The following MRPS30 variants were observed in gnomAD, a reference collection of about 807,000 sequenced individuals.
MRPS30 encodes large ribosomal subunit protein mL65.
MRPS30 carries 42 observed loss-of-function variants against 43.8 expected under a neutral mutation model. The observed-to-expected ratio is 0.96, with a 90% CI of 0.75 to 1.24. The LOEUF (loss-of-function observed/expected upper bound fraction) is 1.24, where lower values mean the gene tolerates loss of function less well. Ranked by LOEUF, MRPS30 falls within the 50% of genes most tolerant of loss-of-function variation. The pLI is 0.00. For missense variants in MRPS30, 638 were observed against 570.0 expected (o/e 1.12, Z -1.22); for synonymous variants, 273 against 228.2 (o/e 1.20, Z -1.77).
chr5:44,809,725 T>C, intron 1 of MRPS30, 162 bp downstream of exon 1: 1 of 746,420 alleles, frequency 1.3e-6, no homozygotes, highest in South Asian at 1.9e-5. Context: ...TAACAGTCAC[T>C]GCGTTAGGAA....
intron 4 of MRPS30, among the ~76,000 whole-genome samples, chr5:44,814,689 C>G (rs1348938818): frequency 6.6e-6 from 1 of 152,036 alleles, no homozygotes; most frequent in Non-Finnish European, 1.5e-5. Context: ...AAAGATTAAT[C>G]ATGAGATTGA....
chr5:44,809,929 A>G (rs1009452517), intron 1 of MRPS30: 3 of 239,856 alleles, frequency 1.3e-5, no homozygotes, highest in African/African-American at 2.2e-5. Context: ...TTCCACCACA[A>G]AGCTGTGTGA....
At chr5:44,810,581 G>A (rs1742823439) in intron 1 of MRPS30, among the ~76,000 whole-genome samples, 1 of 152,122 alleles carries the variant, frequency 6.6e-6, no homozygotes, top group South Asian at 2.1e-4. Flanking sequence ...CATGGACTTA[G>A]ACTACTCCTG....
Position 44,812,039 on chromosome 5 carries a change from A to G in MRPS30, c.853+19A>G, listed in dbSNP as rs753389843. Reference sequence around the variant, plus strand: ...TTTGTTGGTAAGTTTCTCTTTTGACATATTGTACCATAAATGTGTTCCAAG... The same window carrying G: ...TTTGTTGGTAAGTTTCTCTTTTGACGTATTGTACCATAAATGTGTTCCAAG... On this transcript the variant is annotated intron_variant, in intron 3 of 4. Transcript: ENST00000507110. 8.0e-6 allele frequency: 12 copies of G among 1,506,404 alleles called. No individual in the cohort carries two copies. In the Admixed American group the frequency reaches 1.5e-4, roughly 19 times the overall value. The allele number at this position is 1,506,404 out of a possible 1,614,324, so 93.3% of individuals were successfully genotyped here. A position where few individuals can be genotyped will look rare whatever the true frequency, so the allele number is the denominator to read the frequency against.
Position 44,809,334 on chromosome 5 carries a change from G to A in MRPS30, c.372G>A (p.Glu124=), listed in dbSNP as rs1742782489. The A allele has an allele frequency of 1.2e-6, 2 of 1,607,598 alleles. No individual in the cohort carries two copies. Among genetic ancestry groups the A allele is most frequent in the Non-Finnish European group, 1.7e-6 (2 of 1,177,274 alleles). The part of the protein sequence containing the change: ...FLSGLPPPPA[E]PEPEPEPEPE... ...CGGGTCTGCCGCCGCCCCCAGCGGA[G>A]CCCGAGCCCGAGCCCGAACCCGAAC... The change falls in exon 1 of 5, where the codon GAG becomes GAA. Residue 124 remains glutamate, a synonymous_variant. Transcript: ENST00000507110.
Position 44,809,117 on chromosome 5 carries a change from C to G in MRPS30, c.155C>G (p.Thr52Arg). 1 of 1,611,804 alleles carries G rather than the reference C, an allele frequency of 6.2e-7. No individual in the cohort carries two copies. The highest frequency in any genetic ancestry group is 8.5e-7 in the Non-Finnish European group (1 of 1,179,486). Residue 52 changes from threonine (T) to arginine (R), a missense_variant, in exon 1 of 5, where the codon ACA (threonine) becomes AGA (arginine). Coordinates refer to ENST00000507110, the MANE Select transcript of MRPS30 (RefSeq NM_016640.4). ...ARYPPIVASM[T>R]ADSKAARLRR... ...TACCCGCCGATTGTGGCCTCCATGA[C>G]AGCCGACAGCAAAGCTGCACGGCTG... is the stretch of plus-strand genomic sequence containing the variant.
chr5:44,809,476 A>C lies in MRPS30; in HGVS notation c.514A>C (p.Ile172Leu), dbSNP rs755161086. ...GCACCGTTACGAGGAGAGCGAGGTC[A>C]TATCTTTGCCCTTCCTGGATCAGCT... ...RVHRYEESEV[I>L]SLPFLDQLVS... The change falls in exon 1 of 5, where the codon ATA becomes CTA. Residue 172 changes from isoleucine to leucine, a missense_variant. By Grantham distance (5) the Ile-to-Leu change is conservative. Transcript: ENST00000507110. The C allele has an allele frequency of 5.6e-6, 9 of 1,613,980 alleles. No homozygotes were observed. Among genetic ancestry groups the C allele is most frequent in the Non-Finnish European group, 6.8e-6 (8 of 1,179,998 alleles).
In MRPS30 at chr5:44,813,216, G is replaced by A. The variant is rs7737306; in HGVS notation, c.964G>A (p.Val322Ile). ...ACAAAACTGTGCTGATCAGATAGAAGTTGTTTTTAGAGCTAATGCTATTGC... is the reference window on the plus strand; with the variant it reads ...ACAAAACTGTGCTGATCAGATAGAAATTGTTTTTAGAGCTAATGCTATTGC... ...LRQNCADQIE[V>I]VFRANAIASL... Residue 322 changes from valine to isoleucine, a missense_variant, in exon 4 of 5, where the codon GTT becomes ATT. By Grantham distance (29) the Val-to-Ile change is conservative. Coordinates refer to ENST00000507110, the MANE Select transcript of MRPS30 (RefSeq NM_016640.4). 6.2e-7 allele frequency: 1 copy of A among 1,612,728 alleles called. No homozygotes were observed.
Position 44,815,364 on chromosome 5 carries a change from C to G in MRPS30, c.*162C>G. The G allele has an allele frequency of 3.4e-6, 2 of 595,376 alleles. No homozygotes were observed. The highest frequency in any genetic ancestry group is 5.3e-6 in the Non-Finnish European group (2 of 373,904). 36.9% of individuals were successfully genotyped at this position (595,376 alleles called of 1,614,324 possible). A position where few individuals can be genotyped will look rare whatever the true frequency, so the allele number is the denominator to read the frequency against. Reference sequence around the variant, plus strand: ...TCTCTTACTCTGCTCAAATTCATCACTGAAAGATTTAATTTTAGTTACCTT... The same window carrying G: ...TCTCTTACTCTGCTCAAATTCATCAGTGAAAGATTTAATTTTAGTTACCTT... On this transcript the variant is annotated 3_prime_UTR_variant, in exon 5 of 5. Coordinates refer to ENST00000507110, the MANE Select transcript of MRPS30 (RefSeq NM_016640.4).
rs775553861 is a variant in MRPS30 at position 44,809,011 on chromosome 5, T to C, written c.49T>C (p.Ser17Pro). ...GCCTTTGCTACGCGGTCCGAGGCTT[T>C]CATTGCACACCGCGGCTAATGCCGC... is the stretch of plus-strand genomic sequence containing the variant. ...WRPLLRGPRL[S>P]LHTAANAAAT... Residue 17 changes from serine to proline, a missense_variant, in exon 1 of 5, where the codon TCA (serine) becomes CCA (proline). Coordinates refer to ENST00000507110, the MANE Select transcript of MRPS30 (RefSeq NM_016640.4). 2.4e-5 allele frequency: 39 copies of C among 1,610,038 alleles called. No individual in the cohort carries two copies.
rs755129480 is a variant in MRPS30, at chr5:44,814,899, A to G, written c.1031-14A>G. 1 of 1,584,268 alleles carries G rather than the reference A, an allele frequency of 6.3e-7. No individual in the cohort carries two copies. On this transcript the variant is annotated splice_polypyrimidine_tract_variant and intron_variant, in intron 4 of 4. Transcript: ENST00000507110. ...TATTCTATGTGTAAATTTCAGCATA[A>G]CTTTCTTCTACAGGATTCTGGAGTG...
intron 1 of MRPS30, among the ~76,000 whole-genome samples, chr5:44,810,200 A>G (rs1221873674): frequency 6.6e-6 from 1 of 152,144 alleles, no homozygotes; most frequent in East Asian, 1.9e-4. Flanking sequence ...GATAGGTAGC[A>G]ATGTTTTGGT....
chr5:44,811,494 G>A lies in MRPS30; in HGVS notation c.747+340G>A, dbSNP rs559961761. On this transcript the variant is annotated intron_variant, in intron 2 of 4. Coordinates refer to ENST00000507110, the MANE Select transcript of MRPS30 (RefSeq NM_016640.4). ...ACTAGACTAGTCATAAATCAAGGAAGTTTAACAGTTATCAACTGGGCCATT... is the reference window on the plus strand; with the variant it reads ...ACTAGACTAGTCATAAATCAAGGAAATTTAACAGTTATCAACTGGGCCATT... Among the ~76,000 whole-genome samples, 8 of 152,314 alleles carry A rather than the reference G, an allele frequency of 5.3e-5. No homozygotes were observed. The East Asian group carries it at 5.8e-4, about 11-fold the overall frequency.
chr5:44,809,615 G>T, intron 1 of MRPS30, 52 bp downstream of exon 1: 1 of 1,478,896 alleles, frequency 6.8e-7, no homozygotes. Context: ...GGATTGTACT[G>T]GGTTACTCTG....
At chr5:44,813,591 A>G (rs1388730231) in intron 4 of MRPS30, 2 of 192,844 alleles carry the variant, frequency 1.0e-5, no homozygotes, top group South Asian at 1.5e-4. Flanking sequence ...GCAGGTAGAA[A>G]AGGTAATGAT....
In MRPS30 at chr5:44,809,484, G is replaced by T. The variant is rs371666495; in HGVS notation, c.522G>T (p.Leu174Phe). 29 of 1,613,836 alleles carry T rather than the reference G, an allele frequency of 1.8e-5. No homozygotes were observed. Among genetic ancestry groups the T allele is most frequent in the Non-Finnish European group, 2.5e-5 (29 of 1,179,994 alleles). ...ACGAGGAGAGCGAGGTCATATCTTT[G>T]CCCTTCCTGGATCAGCTGGTGTCAA... is the stretch of plus-strand genomic sequence containing the variant. ...HRYEESEVISLPFLDQLVSTL... is the reference protein window; with the variant it reads ...HRYEESEVISFPFLDQLVSTL... The change falls in exon 1 of 5, where the codon TTG becomes TTT. Residue 174 changes from leucine (L) to phenylalanine (F), a missense_variant. Transcript: ENST00000507110.
intron 1 of MRPS30, 90 bp from the exon 2 acceptor site, chr5:44,810,919 T>C: frequency 1.8e-6 from 2 of 1,133,398 alleles, no homozygotes; most frequent in Non-Finnish European, 2.5e-6. Flanking sequence ...TAAGTTATCA[T>C]TTGCTAAGTT....
chr5:44,814,131 T>TGTA (rs1354667200), intron 4 of MRPS30, among the ~76,000 whole-genome samples: 1 of 152,152 alleles, frequency 6.6e-6, no homozygotes, highest in Non-Finnish European at 1.5e-5. Flanking sequence ...AGGAGAATGA[T>TGTA]GTAGAAGGAG....
intron 2 of MRPS30, among the ~76,000 whole-genome samples, chr5:44,811,702 A>G (rs975985095): frequency 6.6e-6 from 1 of 152,222 alleles, no homozygotes; most frequent in Non-Finnish European, 1.5e-5. Flanking sequence ...AGCGCCATAC[A>G]CAATTTATAA....
Sources: allele counts gnomAD v4.1 joint callset (sites outside exome capture counted in the v4.1 genomes callset), GRCh38; gene constraint gnomAD v4.1.1; transcripts MANE v1.5; gene names NCBI Gene and HGNC (gene_info 2026-07-23, HGNC 2026-07-21).